The following CRACD variants were observed in gnomAD, a reference collection of about 807,000 sequenced individuals.
CRACD encodes capping protein inhibiting regulator of actin dynamics, also known as capping protein-inhibiting regulator of actin dynamics.
A neutral mutation model predicts 106.8 loss-of-function variants in CRACD; 56 were observed. That is an observed-to-expected ratio of 0.52 (90% CI 0.42 to 0.66). The LOEUF is 0.66. Ranked by LOEUF, CRACD falls within the 30% of genes least tolerant of loss-of-function variation. CRACD has a pLI of 0.00. For synonymous variants in CRACD, 754 were observed against 670.8 expected (o/e 1.12, Z -1.92); for missense variants, 1,730 against 1,623.2 (o/e 1.07, Z -1.13).
intron 1 of CRACD, among the ~76,000 whole-genome samples, chr4:56,092,919 A>C (rs139467390): frequency 0.024 from 3,726 of 152,160 alleles, 62 homozygotes; most frequent in Admixed American, 0.057. Context: ...CCTCTTTTTA[A>C]CTTTTTTAAT....
At position 56,298,327 on chromosome 4, in the gene CRACD, T is replaced by G; in HGVS notation, c.98T>G (p.Leu33Arg). The change falls in exon 4 of 11, where the codon CTG becomes CGG. Residue 33 changes from leucine (L) to arginine (R), a missense_variant. Physicochemically the swap from Leu to Arg is moderately radical, Grantham distance 102. Transcript: ENST00000682029. ...TVQAMSQDNI[L>R]GKVKTLQQQL... ...CAAGCAATGTCACAGGACAACATCC[T>G]GGGCAAAGTCAAAACTCTTCAGGTA... is the stretch of plus-strand genomic sequence containing the variant. 6.2e-7 allele frequency: 1 copy of G among 1,614,128 alleles called. No individual in the cohort carries two copies. The highest frequency in any genetic ancestry group is 8.5e-7 in the Non-Finnish European group (1 of 1,180,020).
chr4:56,222,709 G>A (rs775449082), intron 2 of CRACD, among the ~76,000 whole-genome samples: 11 of 152,174 alleles, frequency 7.2e-5, no homozygotes, highest in South Asian at 2.1e-4. Flanking sequence ...ACTTTGGGAG[G>A]CCGAAGCTGG....
chr4:56,298,478 A>G, intron 4 of CRACD, 129 bp downstream of exon 4: 2 of 1,116,110 alleles, frequency 1.8e-6, no homozygotes, highest in Admixed American at 5.0e-5. Context: ...GGTGAGAATT[A>G]TTGCTTTCTT....
intron 3 of CRACD, among the ~76,000 whole-genome samples, chr4:56,281,109 C>A (rs1743014109): frequency 6.6e-6 from 1 of 152,116 alleles, no homozygotes; most frequent in Non-Finnish European, 1.5e-5. Context: ...GGTGGTGAAC[C>A]AGTACCGGTG....
chr4:56,116,728 A>C lies in CRACD; in HGVS notation c.-335-62556A>C, dbSNP rs564399470. ...TTTTTCATTTATTTATTTATTTTTT[A>C]GACGGAGTCTCACTCTGTCTCCCAG... On this transcript the variant is annotated intron_variant, in intron 1 of 10. Coordinates refer to ENST00000682029, the MANE Select transcript of CRACD (RefSeq NM_001393381.1). 1.5e-4 allele frequency among the ~76,000 whole-genome samples: 23 copies of C among 152,184 alleles called. 1 individual carries two copies. In the South Asian group the frequency reaches 3.3e-3, roughly 22 times the overall value.
chr4:56,135,745 A>G (rs934658386), intron 1 of CRACD, among the ~76,000 whole-genome samples: 2 of 152,220 alleles, frequency 1.3e-5, no homozygotes, highest in Non-Finnish European at 2.9e-5. Flanking sequence ...TTGAGGTAAA[A>G]TTGACACAGA....
chr4:56,238,791 T>A (rs995152951), intron 2 of CRACD, among the ~76,000 whole-genome samples: 3 of 152,178 alleles, frequency 2.0e-5, no homozygotes, highest in African/African-American at 7.2e-5. Flanking sequence ...TAAATTTACT[T>A]TTTTGGTTGC....
intron 1 of CRACD, among the ~76,000 whole-genome samples, chr4:56,113,449 C>T (rs1050347550): frequency 1.3e-5 from 2 of 152,144 alleles, no homozygotes; most frequent in Non-Finnish European, 2.9e-5. Context: ...AAATGAACTT[C>T]TTTTCTATGG....
intron 2 of CRACD, among the ~76,000 whole-genome samples, chr4:56,252,974 CAT>C (rs1007510098): frequency 6.6e-6 from 1 of 152,172 alleles, no homozygotes; most frequent in Non-Finnish European, 1.5e-5. Flanking sequence ...TTGAGGTTCA[CAT>C]GTTAGTCACT....
chr4:56,201,202 C>G (rs957720914), intron 2 of CRACD, among the ~76,000 whole-genome samples: 8 of 152,152 alleles, frequency 5.3e-5, no homozygotes, highest in African/African-American at 1.9e-4. Context: ...GATTTTACTG[C>G]TGTGTGTACA....
At chr4:56,073,730 G>T in intron 1 of CRACD, among the ~76,000 whole-genome samples, 1 of 152,052 alleles carries the variant, frequency 6.6e-6, no homozygotes, top group Non-Finnish European at 1.5e-5. Context: ...TGTCAATTTT[G>T]GCTTTTGTTG....
chr4:56,110,190 TA>T (rs1216644434), intron 1 of CRACD, among the ~76,000 whole-genome samples: 1 of 152,056 alleles, frequency 6.6e-6, no homozygotes, highest in Non-Finnish European at 1.5e-5. Flanking sequence ...AAGAAGGCAG[TA>T]AAAAAATATA....
intron 1 of CRACD, among the ~76,000 whole-genome samples, chr4:56,074,459 G>A (rs895244843): frequency 2.0e-5 from 3 of 152,142 alleles, no homozygotes; most frequent in Admixed American, 6.5e-5. Flanking sequence ...TTGTGAATGG[G>A]AGTTCACTCA....
At chr4:56,267,077 C>G (rs1343542231) in intron 2 of CRACD, among the ~76,000 whole-genome samples, 1 of 151,976 alleles carries the variant, frequency 6.6e-6, no homozygotes, top group Non-Finnish European at 1.5e-5. Context: ...TCAAGTACCA[C>G]AGTCAATAAT....
At chr4:56,121,922 G>T (rs1734497940) in intron 1 of CRACD, among the ~76,000 whole-genome samples, 1 of 152,164 alleles carries the variant, frequency 6.6e-6, no homozygotes, top group Admixed American at 6.5e-5. Context: ...GGTTTTTTGG[G>T]GGAGGAATAT....
At chr4:56,248,621 T>A (rs1447505658) in intron 2 of CRACD, among the ~76,000 whole-genome samples, 1 of 151,322 alleles carries the variant, frequency 6.6e-6, no homozygotes, top group Admixed American at 6.6e-5. Flanking sequence ...CATGTGCACA[T>A]TGTGCAGGTT....
chr4:56,117,972 T>A (rs1167804692), intron 1 of CRACD, among the ~76,000 whole-genome samples: 1 of 152,104 alleles, frequency 6.6e-6, no homozygotes, highest in East Asian at 1.9e-4. Flanking sequence ...TTATCCAGGC[T>A]GGTCTCGAAC....
chr4:56,148,606 T>C (rs938665835), intron 1 of CRACD, among the ~76,000 whole-genome samples: 2 of 152,196 alleles, frequency 1.3e-5, no homozygotes, highest in Non-Finnish European at 2.9e-5. Flanking sequence ...ATTGTGCTTT[T>C]GGTATGTATT....
chr4:56,185,624 T>G (rs961498538), intron 2 of CRACD, among the ~76,000 whole-genome samples: 2 of 152,216 alleles, frequency 1.3e-5, no homozygotes, highest in African/African-American at 2.4e-5. Flanking sequence ...AACACCTGCT[T>G]CGCTTTAGTT....
Sources: allele counts gnomAD v4.1 joint callset (sites outside exome capture counted in the v4.1 genomes callset), GRCh38; gene constraint gnomAD v4.1.1; transcripts MANE v1.5; gene names NCBI Gene and HGNC (gene_info 2026-07-23, HGNC 2026-07-21).